ASXL3: variants seen among roughly 807,000 people sequenced by gnomAD.
ASXL3 encodes the protein putative Polycomb group protein ASXL3.
Under a neutral mutation model 170.6 loss-of-function variants are expected in ASXL3, and 34 were observed. That is an observed-to-expected ratio of 0.20 (90% CI 0.15 to 0.27). The LOEUF (loss-of-function observed/expected upper bound fraction) is 0.27, where lower values mean the gene tolerates loss of function less well. Among genes scored for constraint, ASXL3 ranks in the 10% least tolerant of loss-of-function variants. The pLI is 1.00. For missense variants in ASXL3, 2,592 were observed against 2,695.3 expected, an observed-to-expected ratio of 0.96 and a Z score of 0.85; for synonymous variants, 1,002 against 989.1, an observed-to-expected ratio of 1.01 and a Z score of -0.24.
rs538506798 is a variant in ASXL3, at chr18:33,699,786, G to A, written c.879+16218G>A. On this transcript the variant is annotated intron_variant, in intron 8 of 11. Transcript: ENST00000269197. ...TCTTTTTAAAATTGCTGTAATACAT[G>A]GGGTATTTTATTTCATAATATAGTT... Among the ~76,000 whole-genome samples the A allele has an allele frequency of 3.3e-5, 5 of 152,030 alleles. No individual in the cohort carries two copies. In the South Asian group the frequency reaches 1.0e-3, roughly 32 times the overall value.
At chr18:33,711,835 A>G (rs929012311) in intron 8 of ASXL3, among the ~76,000 whole-genome samples, 3 of 152,186 alleles carry the variant, frequency 2.0e-5, no homozygotes, top group African/African-American at 7.2e-5. Flanking sequence ...TTTTGGTCTA[A>G]TCACTTATAT....
intron 2 of ASXL3, among the ~76,000 whole-genome samples, chr18:33,609,946 T>A (rs907761693): frequency 6.6e-6 from 1 of 151,974 alleles, no homozygotes; most frequent in African/African-American, 2.4e-5. Flanking sequence ...TCAATGGTAA[T>A]CCATTACTTA....
At position 33,578,458 on chromosome 18, in the gene ASXL3, CCCGCCGCCG is replaced by C. The variant is rs552419485; in HGVS notation, c.-141_-133del. The C allele has an allele frequency of 0.01, 949 of 94,122 alleles. 17 individuals are homozygous for C. Among genetic ancestry groups the C allele is most frequent in the African/African-American group, 0.028 (468 of 16,668 alleles). 5.8% of individuals were successfully genotyped at this position (94,122 alleles called of 1,614,324 possible). On this transcript the variant is annotated 5_prime_UTR_variant, in exon 1 of 12. Coordinates refer to ENST00000269197, the MANE Select transcript of ASXL3 (RefSeq NM_030632.3). ...CCACCCCCTCGCTCCATCCCTCCCACCCGCCGCCGCCGCCGCCGCCGCCGCCGCCGCCGC... is the reference window on the plus strand; with the variant it reads ...CCACCCCCTCGCTCCATCCCTCCCACCCGCCGCCGCCGCCGCCGCCGCCGC...
chr18:33,723,664 A>T (rs2067298539), intron 8 of ASXL3, among the ~76,000 whole-genome samples: 4 of 152,198 alleles, frequency 2.6e-5, no homozygotes, highest in Admixed American at 2.6e-4. Context: ...AGCTTAGTTG[A>T]TAAAGCAGCG....
In ASXL3 at chr18:33,746,461, A is replaced by G; in HGVS notation, c.6613A>G (p.Asn2205Asp). The change falls in exon 12 of 12, where the codon AAT becomes GAT. Residue 2205 changes from asparagine (N) to aspartate (D), a missense_variant. Physicochemically the swap from Asn to Asp is conservative, Grantham distance 23. Around this residue, in one of 4 missense-constraint regions of ASXL3, gnomAD observed 2,246 missense variants for 2,219.6 expected, o/e 1.01. Coordinates refer to ENST00000269197, the MANE Select transcript of ASXL3 (RefSeq NM_030632.3). ...CGTTCAGAACTTTGCCGACAGCAGC[A>G]ATGCAGATGAATTGGAACTGAAATG... ...MPVQNFADSSNADELELKCSC... is the reference protein window; with the variant it reads ...MPVQNFADSSDADELELKCSC... 1 of 1,614,056 alleles carries G rather than the reference A, an allele frequency of 6.2e-7. No homozygotes were observed. The highest frequency in any genetic ancestry group is 8.5e-7 in the Non-Finnish European group (1 of 1,179,890).
chr18:33,602,627 G>A (rs2145115646), intron 1 of ASXL3, among the ~76,000 whole-genome samples: 1 of 152,210 alleles, frequency 6.6e-6, no homozygotes, highest in East Asian at 1.9e-4. Context: ...GCACATAGGA[G>A]TTGTCTAATA....
At chr18:33,703,457 C>G (rs979191009) in intron 8 of ASXL3, among the ~76,000 whole-genome samples, 8 of 152,178 alleles carry the variant, frequency 5.3e-5, no homozygotes, top group African/African-American at 1.9e-4. Flanking sequence ...TGGCCTGTCA[C>G]TCATGCGGTG....
At chr18:33,660,114 C>G (rs974643587) in intron 4 of ASXL3, among the ~76,000 whole-genome samples, 2 of 152,114 alleles carry the variant, frequency 1.3e-5, no homozygotes, top group Non-Finnish European at 2.9e-5. Context: ...TGAATCCCAT[C>G]TCTGCAGTTT....
chr18:33,709,919 A>T (rs8092826), intron 8 of ASXL3, among the ~76,000 whole-genome samples: 15,276 of 152,082 alleles, frequency 0.1, 886 homozygotes, highest in African/African-American at 0.16. Context: ...TCCCACCATG[A>T]CCCCTAGCTC....
chr18:33,720,240 C>G (rs1447419421), intron 8 of ASXL3, among the ~76,000 whole-genome samples: 2 of 152,048 alleles, frequency 1.3e-5, no homozygotes, highest in East Asian at 1.9e-4. Flanking sequence ...AGCTGTCTAT[C>G]TGTTTCACAG....
At chr18:33,721,973 A>G (rs1424711055) in intron 8 of ASXL3, among the ~76,000 whole-genome samples, 1 of 152,000 alleles carries the variant, frequency 6.6e-6, no homozygotes, top group Non-Finnish European at 1.5e-5. Context: ...ATGATAATGT[A>G]TTATTATATA....
intron 8 of ASXL3, among the ~76,000 whole-genome samples, chr18:33,720,624 C>G (rs898105592): frequency 2.0e-5 from 3 of 152,062 alleles, no homozygotes; most frequent in Admixed American, 1.3e-4. Context: ...CAGAATGTCC[C>G]AAGATGTGGC....
At chr18:33,647,085 CTG>C (rs2145203780) in intron 4 of ASXL3, among the ~76,000 whole-genome samples, 1 of 151,892 alleles carries the variant, frequency 6.6e-6, no homozygotes, top group East Asian at 1.9e-4. Flanking sequence ...TGAGAGAAAA[CTG>C]TGTAGTTAAA....
intron 8 of ASXL3, among the ~76,000 whole-genome samples, chr18:33,709,178 G>T (rs981494822): frequency 6.6e-6 from 1 of 151,934 alleles, no homozygotes; most frequent in Non-Finnish European, 1.5e-5. Flanking sequence ...GAAGCAAATA[G>T]AACTCTATTG....
intron 8 of ASXL3, among the ~76,000 whole-genome samples, chr18:33,694,268 T>G (rs2066736623): frequency 6.6e-6 from 1 of 152,220 alleles, no homozygotes; most frequent in Non-Finnish European, 1.5e-5. Context: ...TGGAGAATTT[T>G]TAGAACCTCC....
chr18:33,744,761 G>A lies in ASXL3; in HGVS notation c.4913G>A (p.Cys1638Tyr), dbSNP rs1220521557. The change falls in exon 12 of 12, where the codon TGT becomes TAT. Residue 1638 changes from cysteine (C) to tyrosine (Y), a missense_variant. By Grantham distance (194) the Cys-to-Tyr change is radical (BLOSUM62 -2). Around this residue, in one of 4 missense-constraint regions of ASXL3, gnomAD observed 2,246 missense variants for 2,219.6 expected, o/e 1.01. Coordinates refer to ENST00000269197, the MANE Select transcript of ASXL3 (RefSeq NM_030632.3). ...CAAAAAGAATATCTAGAGCAAAGCT[G>A]TCCAAAGGCTATCAAAACTGAACAT... Reference protein sequence around the residue: ...SKQKEYLEQSCPKAIKTEHAN... With the variant: ...SKQKEYLEQSYPKAIKTEHAN... 2 of 1,614,058 alleles carry A rather than the reference G, an allele frequency of 1.2e-6. No individual in the cohort carries two copies. The highest frequency in any genetic ancestry group is 2.7e-5 in the African/African-American group (2 of 75,066).
chr18:33,743,422 C>T lies in ASXL3; in HGVS notation c.3574C>T (p.Pro1192Ser), dbSNP rs1438569915. The part of the protein sequence containing the change: ...LQQSLNPSKL[P>S]ETATDLSVHS... ...GCAGTCTCTTAACCCAAGTAAACTTCCAGAAACTGCCACTGACTTATCTGT... is the reference window on the plus strand; with the variant it reads ...GCAGTCTCTTAACCCAAGTAAACTTTCAGAAACTGCCACTGACTTATCTGT... Residue 1192 changes from proline (P) to serine (S), a missense_variant, in exon 12 of 12, where the codon CCA becomes TCA. By Grantham distance (74) the Pro-to-Ser change is moderately conservative. Transcript: ENST00000269197. 1.2e-6 allele frequency: 2 copies of T among 1,613,292 alleles called. No individual in the cohort carries two copies. Among genetic ancestry groups the T allele is most frequent in the Non-Finnish European group, 1.7e-6 (2 of 1,179,838 alleles).
intron 5 of ASXL3, among the ~76,000 whole-genome samples, chr18:33,667,242 C>T (rs1037938983): frequency 1.3e-5 from 2 of 152,114 alleles, no homozygotes; most frequent in Non-Finnish European, 2.9e-5. Flanking sequence ...CTTCTCACTC[C>T]TATTCTGAAT....
intron 7 of ASXL3, among the ~76,000 whole-genome samples, chr18:33,673,188 A>G (rs9965823): frequency 1 from 152,212 of 152,276 alleles, 76,074 homozygotes; most frequent in Middle Eastern, 1. Flanking sequence ...TACACTAAGG[A>G]ATTTAAACAT....
Sources: gnomAD v4.1 joint callset for allele counts (sites outside exome capture counted in the v4.1 genomes callset) on GRCh38, gnomAD v4.1.1 for gene constraint, gnomAD v4.1.1 regional missense constraint, MANE v1.5 for transcripts, NCBI Gene and HGNC (gene_info 2026-07-23, HGNC 2026-07-21) for gene names.